Variants in CSMD1 observed in about 807,000 individuals in gnomAD.
The protein encoded by CSMD1 is CUB and Sushi multiple domains 1.
CSMD1 carries 213 observed loss-of-function variants against 417.5 expected under a neutral mutation model. The observed-to-expected ratio is 0.51, with a 90% CI of 0.46 to 0.57. The LOEUF is 0.57. Ranked by LOEUF, CSMD1 falls within the 20% of genes least tolerant of loss-of-function variation. The probability of loss-of-function intolerance (pLI) is 0.00; values close to 1 mark genes in which losing one functional copy is unlikely to be tolerated. For synonymous variants in CSMD1, 2,862 were observed against 1,736.8 expected, an observed-to-expected ratio of 1.65 and a Z score of -16.11; for missense variants, 6,923 against 4,529.7, an observed-to-expected ratio of 1.53 and a Z score of -15.17.
At chr8:3,970,942 G>C (rs559631562) in intron 5 of CSMD1, among the ~76,000 whole-genome samples, 3 of 152,206 alleles carry the variant, frequency 2.0e-5, no homozygotes, top group Admixed American at 1.3e-4. Flanking sequence ...GTGGAGATGA[G>C]GTTTCACCAT....
chr8:3,001,309 C>T (rs1389582155), intron 52 of CSMD1, among the ~76,000 whole-genome samples: 1 of 152,052 alleles, frequency 6.6e-6, no homozygotes. Flanking sequence ...ACCTTCTCTT[C>T]CATCTCCCTC....
intron 20 of CSMD1, among the ~76,000 whole-genome samples, chr8:3,361,087 A>C (rs12681884): frequency 0.16 from 24,940 of 152,182 alleles, 2,091 homozygotes; most frequent in East Asian, 0.22. Flanking sequence ...ACCTTGAGAT[A>C]TACTTATTAA....
chr8:4,167,841 A>G (rs1208779894), intron 3 of CSMD1, among the ~76,000 whole-genome samples: 3 of 152,076 alleles, frequency 2.0e-5, no homozygotes, highest in African/African-American at 7.2e-5. Flanking sequence ...AATTATATAT[A>G]AAAAGGCCAG....
intron 3 of CSMD1, among the ~76,000 whole-genome samples, chr8:4,401,569 T>C (rs973156851): frequency 1.1e-4 from 17 of 152,128 alleles, no homozygotes; most frequent in African/African-American, 3.6e-4. Context: ...TTTGAGCCTG[T>C]CTAGACCAAT....
At chr8:4,275,058 T>C (rs1182126169) in intron 3 of CSMD1, among the ~76,000 whole-genome samples, 2 of 152,146 alleles carry the variant, frequency 1.3e-5, no homozygotes, top group African/African-American at 4.8e-5. Flanking sequence ...TCCAAGAAAT[T>C]CTTCTAACAA....
rs767579851 is a variant in CSMD1, at chr8:4,680,975, T to TGTGAGAGA, written c.86-43418_86-43417insTCTCTCAC. Among the ~76,000 whole-genome samples the TGTGAGAGA allele has an allele frequency of 5.8e-5, 8 of 136,776 alleles. No individual in the cohort carries two copies. The South Asian group carries it at 2.0e-3, about 34-fold the overall frequency. 89.7% of individuals were successfully genotyped at this position (136,776 alleles called of 152,430 possible). A position where few individuals can be genotyped will look rare whatever the true frequency, so the allele number is the denominator to read the frequency against. ...ATGTGTGTGTGTGTGTGTGTGTGTG[T>TGTGAGAGA]GAGAGAGAGAGAGAGAGAGAGAGAG... On this transcript the variant is annotated intron_variant, in intron 1 of 69. Transcript: ENST00000635120.
At chr8:2,976,164 T>A (rs946053274) in intron 55 of CSMD1, among the ~76,000 whole-genome samples, 1 of 151,774 alleles carries the variant, frequency 6.6e-6, no homozygotes, top group Non-Finnish European at 1.5e-5. Context: ...TTGTTGAAGT[T>A]AGAATTTGAG....
intron 3 of CSMD1, among the ~76,000 whole-genome samples, chr8:4,253,754 C>G (rs55993318): frequency 0.095 from 14,317 of 150,644 alleles, 965 homozygotes; most frequent in East Asian, 0.34. Flanking sequence ...CAATTATATA[C>G]TTGAAAAAAA....
intron 18 of CSMD1, among the ~76,000 whole-genome samples, chr8:3,384,628 C>T (rs1190560332): frequency 9.2e-5 from 13 of 140,662 alleles, no homozygotes; most frequent in Admixed American, 2.3e-4. Flanking sequence ...TTGCAAATTG[C>T]TATTTATATA....
At chr8:3,269,794 C>G (rs1480173692) in intron 26 of CSMD1, among the ~76,000 whole-genome samples, 1 of 152,168 alleles carries the variant, frequency 6.6e-6, no homozygotes, top group Non-Finnish European at 1.5e-5. Context: ...AACATAATTG[C>G]AGTAGTCAGT....
At chr8:3,405,620 C>A (rs76323871) in intron 15 of CSMD1, among the ~76,000 whole-genome samples, 1 of 8 alleles carries the variant, frequency 0.12, no homozygotes, top group Admixed American at 0.5. Flanking sequence ...AAGAAGGGGA[C>A]CCCCAATCCA....
chr8:3,067,778 T>C (rs1169083573), intron 49 of CSMD1, among the ~76,000 whole-genome samples: 1 of 151,976 alleles, frequency 6.6e-6, no homozygotes, highest in African/African-American at 2.4e-5. Context: ...TTTACAACTT[T>C]ATGGTTTCTA....
chr8:4,259,892 A>G (rs1422248961), intron 3 of CSMD1, among the ~76,000 whole-genome samples: 4 of 152,162 alleles, frequency 2.6e-5, no homozygotes, highest in African/African-American at 9.7e-5. Flanking sequence ...ATTTTTTGCT[A>G]CCGCATAGTC....
At chr8:4,452,893 G>C (rs891249313) in intron 2 of CSMD1, among the ~76,000 whole-genome samples, 4 of 152,196 alleles carry the variant, frequency 2.6e-5, no homozygotes, top group Admixed American at 6.5e-5. Context: ...AAATTCAGTA[G>C]AGAAGCAACG....
chr8:3,452,555 T>C (rs981996482), intron 12 of CSMD1, among the ~76,000 whole-genome samples: 24 of 152,358 alleles, frequency 1.6e-4, no homozygotes, highest in African/African-American at 5.5e-4. Context: ...AAAGGCCTTT[T>C]CTGCATCTAT....
intron 5 of CSMD1, among the ~76,000 whole-genome samples, chr8:3,946,133 A>G (rs1376140587): frequency 1.3e-5 from 2 of 152,220 alleles, no homozygotes; most frequent in Middle Eastern, 3.4e-3. Flanking sequence ...CATGCACATG[A>G]TCTCACATAA....
chr8:4,577,302 G>T (rs1455686697), intron 2 of CSMD1, among the ~76,000 whole-genome samples: 1 of 152,172 alleles, frequency 6.6e-6, no homozygotes, highest in African/African-American at 2.4e-5. Flanking sequence ...TCTCTTGGGA[G>T]ACTAAAATTA....
chr8:3,843,469 A>C (rs1458504662), intron 5 of CSMD1, among the ~76,000 whole-genome samples: 1 of 152,182 alleles, frequency 6.6e-6, no homozygotes, highest in African/African-American at 2.4e-5. Context: ...AAAATGACAA[A>C]TTACACTCGG....
At chr8:4,848,775 C>G (rs1328941443) in intron 1 of CSMD1, among the ~76,000 whole-genome samples, 1 of 152,160 alleles carries the variant, frequency 6.6e-6, no homozygotes, top group Non-Finnish European at 1.5e-5. Context: ...GACTGCTGAC[C>G]TCAGGTGATT....
Sources: gnomAD v4.1 joint callset for allele counts (sites outside exome capture counted in the v4.1 genomes callset) on GRCh38, gnomAD v4.1.1 for gene constraint, MANE v1.5 for transcripts, NCBI Gene and HGNC (gene_info 2026-07-23, HGNC 2026-07-21) for gene names.